GRID1: variants seen among roughly 807,000 people sequenced by gnomAD.
GRID1 encodes glutamate ionotropic receptor delta type subunit 1, also known as glutamate receptor ionotropic, delta-1.
GRID1 carries 28 observed loss-of-function variants against 98.0 expected under a neutral mutation model. That is an observed-to-expected ratio of 0.29 (90% CI 0.21 to 0.39). The LOEUF (loss-of-function observed/expected upper bound fraction) is 0.39, where lower values mean the gene tolerates loss of function less well. GRID1 is among the 10% of genes least tolerant of loss of function. The pLI is 1.00. For missense variants in GRID1, 1,111 were observed against 1,340.5 expected, an observed-to-expected ratio of 0.83 and a Z score of 2.67; for synonymous variants, 553 against 538.5, an observed-to-expected ratio of 1.03 and a Z score of -0.37.
chr10:86,248,705 T>C (rs1306687123), intron 2 of GRID1, among the ~76,000 whole-genome samples: 1 of 151,648 alleles, frequency 6.6e-6, no homozygotes, highest in Non-Finnish European at 1.5e-5. Context: ...CCTGAGTAGC[T>C]GGGACTACAA....
intron 8 of GRID1, among the ~76,000 whole-genome samples, chr10:85,818,896 T>G (rs1842738154): frequency 6.6e-6 from 1 of 152,070 alleles, no homozygotes; most frequent in South Asian, 2.1e-4. Context: ...TTTTTTGTAT[T>G]TTTTAGCAAA....
intron 4 of GRID1, among the ~76,000 whole-genome samples, chr10:85,921,802 T>C (rs1176872240): frequency 2.0e-5 from 3 of 152,214 alleles, no homozygotes; most frequent in Non-Finnish European, 4.4e-5. Context: ...CCCCTTCCTC[T>C]GTGTCCTTGG....
intron 8 of GRID1, among the ~76,000 whole-genome samples, chr10:85,834,597 A>C (rs1200471309): frequency 1.3e-5 from 2 of 152,194 alleles, no homozygotes; most frequent in Non-Finnish European, 2.9e-5. Flanking sequence ...AGAAACTATA[A>C]CACCATTTGA....
chr10:85,855,735 A>T (rs1199936779), intron 7 of GRID1, among the ~76,000 whole-genome samples: 1 of 152,208 alleles, frequency 6.6e-6, no homozygotes. Flanking sequence ...CAGACACGGG[A>T]TAGGCAGCTG....
chr10:85,889,580 T>C (rs1841165383), intron 5 of GRID1, among the ~76,000 whole-genome samples: 1 of 152,198 alleles, frequency 6.6e-6, no homozygotes, highest in Non-Finnish European at 1.5e-5. Flanking sequence ...TATCCATTCA[T>C]CTGTTGATGG....
chr10:86,176,699 C>G (rs1845580334), intron 3 of GRID1, among the ~76,000 whole-genome samples: 1 of 152,190 alleles, frequency 6.6e-6, no homozygotes, highest in African/African-American at 2.4e-5. Flanking sequence ...GACTCATATT[C>G]CCAAGTCTCC....
intron 4 of GRID1, among the ~76,000 whole-genome samples, chr10:86,001,375 C>A (rs1430280190): frequency 6.6e-6 from 1 of 152,120 alleles, no homozygotes; most frequent in South Asian, 2.1e-4. Context: ...CCCATCAATT[C>A]TCACTCAGTC....
intron 2 of GRID1, among the ~76,000 whole-genome samples, chr10:86,273,724 T>A (rs1394178241): frequency 6.6e-6 from 1 of 152,200 alleles, no homozygotes; most frequent in Non-Finnish European, 1.5e-5. Flanking sequence ...TTGAGAAGTG[T>A]CTGTTCATAT....
chr10:85,952,446 T>C (rs1842137594), intron 4 of GRID1, among the ~76,000 whole-genome samples: 1 of 152,252 alleles, frequency 6.6e-6, no homozygotes, highest in Admixed American at 6.5e-5. Context: ...TCCTCTTCAG[T>C]GTTTCCCAAA....
At chr10:85,908,995 G>C (rs1341858497) in intron 5 of GRID1, among the ~76,000 whole-genome samples, 1 of 152,118 alleles carries the variant, frequency 6.6e-6, no homozygotes, top group African/African-American at 2.4e-5. Context: ...GAAAAGATAA[G>C]CCACAGGCTG....
rs560345250 is a variant in GRID1, at chr10:86,365,266, G to T, written c.79+1048C>A. Reference sequence around the variant, plus strand: ...ACCACCCACCCTCCCGCCTTGTCCCGTCCTCCTCGCCTTCAACACCTCCCA... The same window carrying T: ...ACCACCCACCCTCCCGCCTTGTCCCTTCCTCCTCGCCTTCAACACCTCCCA... On this transcript the variant is annotated intron_variant, in intron 1 of 15. Transcript: ENST00000327946. The surrounding 1 kb of genome is among the most constrained non-coding windows in gnomAD (Gnocchi z 4.8). 8.2e-6 allele frequency among the ~76,000 whole-genome samples: 1 copy of T among 121,720 alleles called. No homozygotes were observed. The highest frequency in any genetic ancestry group is 3.2e-5 in the African/African-American group (1 of 31,678). The allele number at this position is 121,720 out of a possible 152,430, so 79.9% of individuals were successfully genotyped here.
chr10:85,606,589 T>C (rs555897285), intron 15 of GRID1: 1 of 152,334 alleles, frequency 6.6e-6, no homozygotes, highest in East Asian at 1.9e-4. Context: ...CTCCTGCTGC[T>C]GTCTGTGGGA....
At chr10:86,058,571 T>C (rs1373035420) in intron 4 of GRID1, among the ~76,000 whole-genome samples, 1 of 152,202 alleles carries the variant, frequency 6.6e-6, no homozygotes, top group Admixed American at 6.5e-5. Flanking sequence ...GTTCTGGGCA[T>C]CCATGTACCT....
At chr10:85,727,758 G>C (rs1841777118) in intron 10 of GRID1, 97 bp downstream of exon 10, 2 of 860,094 alleles carry the variant, frequency 2.3e-6, no homozygotes, top group Admixed American at 4.0e-5. Context: ...CTGTTTAGCT[G>C]GTCCCAAGGT....
intron 8 of GRID1, among the ~76,000 whole-genome samples, chr10:85,809,584 T>C (rs908012939): frequency 3.9e-5 from 6 of 152,136 alleles, no homozygotes; most frequent in African/African-American, 1.4e-4. Flanking sequence ...ATCAGCAAGA[T>C]GGGTAATTAG....
chr10:85,726,141 G>A (rs909999442), intron 10 of GRID1, among the ~76,000 whole-genome samples: 2 of 152,188 alleles, frequency 1.3e-5, no homozygotes, highest in Non-Finnish European at 2.9e-5. Context: ...GTGGGAGATG[G>A]CAGGTGCCTG....
At chr10:85,701,876 G>A (rs988583550) in intron 12 of GRID1, among the ~76,000 whole-genome samples, 2 of 151,954 alleles carry the variant, frequency 1.3e-5, no homozygotes, top group Non-Finnish European at 2.9e-5. Flanking sequence ...TATACCGCTC[G>A]GGAGACAGGT....
chr10:86,243,541 G>A (rs1846671336), intron 2 of GRID1, among the ~76,000 whole-genome samples: 1 of 152,190 alleles, frequency 6.6e-6, no homozygotes, highest in Non-Finnish European at 1.5e-5. Context: ...CTGAGGCTCA[G>A]AGTGGTAAAG....
At chr10:86,100,113 A>G (rs1054003056) in intron 4 of GRID1, among the ~76,000 whole-genome samples, 3 of 152,184 alleles carry the variant, frequency 2.0e-5, no homozygotes, top group African/African-American at 7.2e-5. Flanking sequence ...CTCTGGGCAA[A>G]TAACAGCCTC....
Sources: allele counts gnomAD v4.1 joint callset (sites outside exome capture counted in the v4.1 genomes callset), GRCh38; gene constraint gnomAD v4.1.1; non-coding constraint Gnocchi (gnomAD v3.1); transcripts MANE v1.5; gene names NCBI Gene and HGNC (gene_info 2026-07-23, HGNC 2026-07-21).